NOS1: variants seen among roughly 807,000 people sequenced by gnomAD.
NOS1 encodes the protein nitric oxide synthase 1, also known as NOS type I.
Under a neutral mutation model 164.5 loss-of-function variants are expected in NOS1, and 51 were observed. That is an observed-to-expected ratio of 0.31 (90% CI 0.25 to 0.39). NOS1 has a LOEUF of 0.39. Ranked by LOEUF, NOS1 falls within the 10% of genes least tolerant of loss-of-function variation. The probability of loss-of-function intolerance (pLI) is 1.00; values close to 1 mark genes in which losing one functional copy is unlikely to be tolerated. For synonymous variants in NOS1, 719 were observed against 745.8 expected (o/e 0.96, Z 0.59); for missense variants, 1,362 against 1,885.6 (o/e 0.72, Z 5.14).
At chr12:117,277,885 G>A in intron 9 of NOS1, 74 bp downstream of exon 9, 10 of 1,494,032 alleles carry the variant, frequency 6.7e-6, no homozygotes, top group Non-Finnish European at 9.0e-6. Flanking sequence ...AAAGCCAGGG[G>A]GGATGGGGCT....
rs906935353 is a variant in NOS1, at chr12:117,286,378, T to C, written c.1128-112A>G. On this transcript the variant is annotated intron_variant, in intron 5 of 28. Coordinates refer to ENST00000317775, the MANE Select transcript of NOS1 (RefSeq NM_000620.5). ...GAAGCTACAAAAAATTCCAAGTTGATTTCTGGATGCAACAGTTTGATTTCT... is the reference window on the plus strand; with the variant it reads ...GAAGCTACAAAAAATTCCAAGTTGACTTCTGGATGCAACAGTTTGATTTCT... The C allele has an allele frequency of 5.4e-5, 61 of 1,122,836 alleles. No individual in the cohort carries two copies. In the African/African-American group the frequency reaches 8.9e-4, roughly 16 times the overall value. 69.6% of individuals were successfully genotyped at this position (1,122,836 alleles called of 1,614,324 possible). A position where few individuals can be genotyped will look rare whatever the true frequency, so the allele number is the denominator to read the frequency against.
chr12:117,242,531 G>A (rs937263921), intron 20 of NOS1, 96 bp downstream of exon 20: 4 of 1,002,978 alleles, frequency 4.0e-6, no homozygotes, highest in Non-Finnish European at 6.4e-6. Context: ...AATGATTGGA[G>A]AACAGCCAGT....
chr12:117,262,489 GAGA>G (rs376886844), intron 13 of NOS1, among the ~76,000 whole-genome samples: 11 of 40,240 alleles, frequency 2.7e-4, no homozygotes, highest in African/African-American at 2.0e-3. Flanking sequence ...GGGGGAGGGG[GAGA>G]GAGAGAGAGA....
chr12:117,209,838 G>A lies in NOS1; in HGVS notation c.*5471C>T, dbSNP rs928787199. The A allele has an allele frequency of 1.7e-5, 17 of 985,366 alleles. No homozygotes were observed. Among genetic ancestry groups the A allele is most frequent in the Non-Finnish European group, 9.6e-6 (8 of 829,966 alleles). The allele number at this position is 985,366 out of a possible 1,614,324, so 61.0% of individuals were successfully genotyped here. ...CAAGGATAGGGAGTGTGAGATAAAG[G>A]GCAGAGGCCAGGCCAGGTTGGCCTC... On this transcript the variant is annotated 3_prime_UTR_variant, in exon 29 of 29. Transcript: ENST00000317775.
rs375890777 is a variant in NOS1 at position 117,225,004 on chromosome 12, A to G, written c.3826+12T>C. The stretch of plus-strand genomic sequence containing the variant: ...GGGGTGGGAACCAAGTGGCCACTGG[A>G]CTGTAACCCACCTTTGTGTTGGATA... On this transcript the variant is annotated intron_variant, in intron 25 of 28. Coordinates refer to ENST00000317775, the MANE Select transcript of NOS1 (RefSeq NM_000620.5). 2.5e-5 allele frequency: 41 copies of G among 1,614,100 alleles called. No individual in the cohort carries two copies. The African/African-American group carries it at 4.8e-4, about 19-fold the overall frequency.
intron 10 of NOS1, among the ~76,000 whole-genome samples, chr12:117,271,071 G>A (rs542255548): frequency 6.6e-5 from 10 of 151,730 alleles, no homozygotes; most frequent in African/African-American, 2.2e-4. Flanking sequence ...AAGAAAGAAA[G>A]AAAAAAGTTT....
Position 117,258,380 on chromosome 12 carries a change from A to AG in NOS1, c.2531+16dup. 1 of 1,613,852 alleles carries AG rather than the reference A, an allele frequency of 6.2e-7. No individual in the cohort carries two copies. The highest frequency in any genetic ancestry group is 1.1e-5 in the South Asian group (1 of 91,036). Reference sequence around the variant, plus strand: ...CCTCGGGGGTGGCGGGTGACGTCGGAGGGGTCATTCACTTACTTCCTTTCT... The same window carrying AG: ...CCTCGGGGGTGGCGGGTGACGTCGGAGGGGGTCATTCACTTACTTCCTTTCT... On this transcript the variant is annotated intron_variant, in intron 16 of 28. Transcript: ENST00000317775.
chr12:117,288,333 A>T (rs1392771719), intron 4 of NOS1, 114 bp from the exon 5 acceptor site: 1 of 972,264 alleles, frequency 1.0e-6, no homozygotes, highest in African/African-American at 1.6e-5. Context: ...CTTAATTCCC[A>T]GAGGCAGTTT....
In NOS1 at chr12:117,231,949, C is replaced by A; in HGVS notation, c.3405+13G>T. The A allele has an allele frequency of 6.2e-7, 1 of 1,608,768 alleles. No homozygotes were observed. The highest frequency in any genetic ancestry group is 8.5e-7 in the Non-Finnish European group (1 of 1,177,880). On this transcript the variant is annotated intron_variant, in intron 22 of 28. Transcript: ENST00000317775. ...ATGCGCCCCCTAGGGTTGTGCGAAG[C>A]CTGGGGACCCACCTTGCTGAGGACC...
intron 1 of NOS1, among the ~76,000 whole-genome samples, chr12:117,334,753 C>A (rs1331409791): frequency 6.6e-6 from 1 of 152,182 alleles, no homozygotes; most frequent in Non-Finnish European, 1.5e-5. Flanking sequence ...TTTCCTCCTG[C>A]AAAACATCCT....
At chr12:117,353,184 AATCT>A (rs1450649096) in intron 1 of NOS1, among the ~76,000 whole-genome samples, 1 of 151,996 alleles carries the variant, frequency 6.6e-6, no homozygotes, top group South Asian at 2.1e-4. Context: ...TCTACCTACC[AATCT>A]ATCTACCTAC....
Position 117,256,284 on chromosome 12 carries a change from G to GTTTTTTTTTTTTTTTTTTTT in NOS1, c.2531+2112_2531+2113insAAAAAAAAAAAAAAAAAAAA, listed in dbSNP as rs57047376. 1.2e-3 allele frequency among the ~76,000 whole-genome samples: 138 copies of GTTTTTTTTTTTTTTTTTTTT among 118,426 alleles called. 17 individuals carry two copies. Among genetic ancestry groups the GTTTTTTTTTTTTTTTTTTTT allele is most frequent in the African/African-American group, 4.4e-3 (116 of 26,136 alleles). 77.7% of individuals were successfully genotyped at this position (118,426 alleles called of 152,430 possible). ...CAAAGAAAATCAGAAGGGATTTTCT[G>GTTTTTTTTTTTTTTTTTTTT]TTTTTTTTTTTTGAGACGGAGTCTC... On this transcript the variant is annotated intron_variant, in intron 16 of 28. Coordinates refer to ENST00000317775, the MANE Select transcript of NOS1 (RefSeq NM_000620.5).
At chr12:117,216,963 A>G (rs754335887) in intron 28 of NOS1, among the ~76,000 whole-genome samples, 1 of 152,128 alleles carries the variant, frequency 6.6e-6, no homozygotes, top group Non-Finnish European at 1.5e-5. Flanking sequence ...TCCCCACCCA[A>G]TTTAAAGTAA....
chr12:117,226,683 C>T lies in NOS1; in HGVS notation c.3704G>A (p.Gly1235Glu), dbSNP rs1317293505. The T allele has an allele frequency of 1.9e-6, 3 of 1,613,704 alleles. No homozygotes were observed. The highest frequency in any genetic ancestry group is 2.2e-5 in the East Asian group (1 of 44,868). Residue 1235 changes from glycine to glutamate, a missense_variant and splice_region_variant, in exon 24 of 29, where the codon GGA becomes GAA. Around this residue, in one of 4 missense-constraint regions of NOS1, gnomAD observed 737 missense variants for 1,030.3 expected, o/e 0.72. Transcript: ENST00000317775. ...ADELVPCFVR[G>E]APSFHLPRNP... is the part of the protein sequence containing the mutation. ...TCATTTTTCTCCACTTATTACTCACCCTCTCACGAAACAGGGGACCAGTTC... is the reference window on the plus strand; with the variant it reads ...TCATTTTTCTCCACTTATTACTCACTCTCTCACGAAACAGGGGACCAGTTC...
intron 1 of NOS1, among the ~76,000 whole-genome samples, chr12:117,335,764 G>GAGAGAGAGAGAGAGAC (rs1875788868): frequency 6.7e-6 from 1 of 149,414 alleles, no homozygotes; most frequent in African/African-American, 2.5e-5. Context: ...GAGAGAGAGA[G>GAGAGAGAGAGAGAGAC]AGAGAGACAG....
intron 20 of NOS1, among the ~76,000 whole-genome samples, chr12:117,240,092 T>C (rs890607542): frequency 6.6e-6 from 1 of 152,190 alleles, no homozygotes; most frequent in Non-Finnish European, 1.5e-5. Flanking sequence ...TCATAGTTTG[T>C]TGCTGAAAGA....
At chr12:117,280,018 G>C (rs1395023549) in intron 8 of NOS1, among the ~76,000 whole-genome samples, 1 of 152,198 alleles carries the variant, frequency 6.6e-6, no homozygotes. Flanking sequence ...AAGGAAAGGT[G>C]GTAGCAGGCC....
At chr12:117,223,723 C>T (rs956491962) in intron 25 of NOS1, among the ~76,000 whole-genome samples, 1 of 152,034 alleles carries the variant, frequency 6.6e-6, no homozygotes, top group African/African-American at 2.4e-5. Context: ...GGCACTATCT[C>T]GGCTCACTGC....
rs904136119 is a variant in NOS1 at position 117,213,497 on chromosome 12, T to C, written c.*1812A>G. The C allele has an allele frequency of 3.1e-5, 31 of 985,224 alleles. No homozygotes were observed. The highest frequency in any genetic ancestry group is 3.6e-5 in the Non-Finnish European group (30 of 829,936). 61.0% of individuals were successfully genotyped at this position (985,224 alleles called of 1,614,324 possible). ...CCATGTGGCAGGAACAGGACACCGG[T>C]GGGGGCTGCCAGGGATGGCAGAGCA... On this transcript the variant is annotated 3_prime_UTR_variant, in exon 29 of 29. Transcript: ENST00000317775.
Sources: allele counts gnomAD v4.1 joint callset (sites outside exome capture counted in the v4.1 genomes callset), GRCh38; gene constraint gnomAD v4.1.1; regional missense constraint gnomAD v4.1.1; transcripts MANE v1.5; gene names NCBI Gene and HGNC (gene_info 2026-07-23, HGNC 2026-07-21).